The following ST6GAL1 variants were observed in gnomAD, a reference collection of about 807,000 sequenced individuals.
ST6GAL1 encodes ST6 beta-galactoside alpha-2,6-sialyltransferase 1.
In ST6GAL1, 20 loss-of-function variants were observed where a neutral mutation model predicts 38.0. The ratio of observed to expected loss-of-function variants is 0.53; its 90% CI spans 0.37 to 0.77. ST6GAL1 has a LOEUF of 0.77. Among genes scored for constraint, ST6GAL1 ranks in the 30% least tolerant of loss-of-function variants. The pLI, the probability that ST6GAL1 is intolerant of heterozygous loss-of-function variation, is 0.00. For missense variants in ST6GAL1, 432 were observed against 496.4 expected (o/e 0.87, Z 1.23); for synonymous variants, 196 against 188.2 (o/e 1.04, Z -0.34).
chr3:186,943,473 A>G (rs868477673), intron 1 of ST6GAL1, among the ~76,000 whole-genome samples: 9 of 152,198 alleles, frequency 5.9e-5, no homozygotes, highest in Middle Eastern at 3.4e-3. Flanking sequence ...TTATTTTTAG[A>G]CGGAGTCTCG....
chr3:186,953,814 T>C (rs1714658556), intron 1 of ST6GAL1, among the ~76,000 whole-genome samples: 1 of 151,660 alleles, frequency 6.6e-6, no homozygotes, highest in East Asian at 1.9e-4. Flanking sequence ...AGAGAGGTTT[T>C]TTTTTTTTTT....
At chr3:186,948,588 C>T (rs78174521) in intron 1 of ST6GAL1, 5,041 of 150,002 alleles carry the variant, frequency 0.034, 274 homozygotes, top group African/African-American at 0.12. Context: ...TGTATGTGGT[C>T]GTTGGAGAGA....
intron 5 of ST6GAL1, among the ~76,000 whole-genome samples, chr3:187,066,024 C>G (rs1362995511): frequency 1.3e-5 from 2 of 152,116 alleles, no homozygotes; most frequent in African/African-American, 2.4e-5. Context: ...TTTCTGGAAG[C>G]TCCAACTTTT....
At chr3:187,039,168 A>G (rs1391286595) in intron 3 of ST6GAL1, among the ~76,000 whole-genome samples, 3 of 152,160 alleles carry the variant, frequency 2.0e-5, no homozygotes, top group Non-Finnish European at 4.4e-5. Context: ...ACTGGTACTG[A>G]GTATGTCATG....
chr3:187,072,619 C>A (rs1719425905), intron 5 of ST6GAL1: 1 of 481,066 alleles, frequency 2.1e-6, no homozygotes, highest in Admixed American at 3.1e-5. Flanking sequence ...CTGGATGGAA[C>A]CCTTTCTATT....
At chr3:187,000,413 A>T (rs1448969199) in intron 2 of ST6GAL1, among the ~76,000 whole-genome samples, 2 of 131,966 alleles carry the variant, frequency 1.5e-5, no homozygotes, top group South Asian at 4.8e-4. Context: ...AAAAAAAAAA[A>T]TTAGCTAGGC....
chr3:186,995,700 C>T (rs976303922), intron 2 of ST6GAL1, among the ~76,000 whole-genome samples: 15 of 149,346 alleles, frequency 1.0e-4, no homozygotes, highest in African/African-American at 3.2e-4. Flanking sequence ...AAAAATTAGC[C>T]GGGTATGGTG....
At chr3:187,021,559 G>A (rs1435998625) in intron 2 of ST6GAL1, among the ~76,000 whole-genome samples, 1 of 151,760 alleles carries the variant, frequency 6.6e-6, no homozygotes, top group Non-Finnish European at 1.5e-5. Context: ...GACCAACATG[G>A]TGAAACCCCG....
At chr3:186,994,685 C>T (rs1716303349) in intron 2 of ST6GAL1, among the ~76,000 whole-genome samples, 1 of 152,100 alleles carries the variant, frequency 6.6e-6, no homozygotes, top group Non-Finnish European at 1.5e-5. Flanking sequence ...GGCCGGGGCG[C>T]AGTGACTCAC....
intron 1 of ST6GAL1, among the ~76,000 whole-genome samples, chr3:186,938,626 C>T (rs1714046884): frequency 6.6e-6 from 1 of 152,066 alleles, no homozygotes; most frequent in Non-Finnish European, 1.5e-5. Context: ...AAATGGAAAC[C>T]CCCACCAAGT....
intron 2 of ST6GAL1, among the ~76,000 whole-genome samples, chr3:186,987,132 GGAAA>G (rs1279200996): frequency 7.5e-6 from 1 of 133,104 alleles, no homozygotes; most frequent in African/African-American, 2.7e-5. Context: ...AGGAAAGGAA[GGAAA>G]GAAAGAAGGA....
intron 5 of ST6GAL1, among the ~76,000 whole-genome samples, chr3:187,060,120 T>C (rs1390913204): frequency 1.3e-5 from 2 of 152,114 alleles, no homozygotes; most frequent in Non-Finnish European, 2.9e-5. Context: ...GAGACAAGGC[T>C]GAAAGCAAGA....
At chr3:186,968,356 C>G (rs2038585820) in intron 2 of ST6GAL1, among the ~76,000 whole-genome samples, 1 of 152,136 alleles carries the variant, frequency 6.6e-6, no homozygotes, top group South Asian at 2.1e-4. Context: ...GTTTTATATA[C>G]CCTTATTGAG....
At chr3:186,938,662 G>A (rs540352810) in intron 1 of ST6GAL1, among the ~76,000 whole-genome samples, 15 of 152,176 alleles carry the variant, frequency 9.9e-5, no homozygotes, top group African/African-American at 3.1e-4. Context: ...AAAAATGATC[G>A]TTCACATGAT....
intron 2 of ST6GAL1, among the ~76,000 whole-genome samples, chr3:187,021,077 C>T (rs1717281603): frequency 6.6e-6 from 1 of 151,904 alleles, no homozygotes; most frequent in African/African-American, 2.4e-5. Flanking sequence ...GATTCTCCTG[C>T]CTCAGCCTCC....
chr3:186,943,083 C>T (rs932223301), intron 1 of ST6GAL1, among the ~76,000 whole-genome samples: 12 of 152,210 alleles, frequency 7.9e-5, no homozygotes, highest in Non-Finnish European at 1.8e-4. Context: ...GGCAGATATG[C>T]ACATATTAAT....
intron 2 of ST6GAL1, 148 bp downstream of exon 2, chr3:186,964,074 G>A (rs1260739727): frequency 6.6e-6 from 1 of 152,248 alleles, no homozygotes; most frequent in East Asian, 1.9e-4. Flanking sequence ...AGCCCGTTGG[G>A]AGGCAAGGTC....
chr3:186,941,789 G>A (rs1196704421), intron 1 of ST6GAL1, among the ~76,000 whole-genome samples: 4 of 152,102 alleles, frequency 2.6e-5, no homozygotes, highest in Non-Finnish European at 5.9e-5. Flanking sequence ...GAGGCAGGCG[G>A]ATCATGAGGT....
chr3:186,931,585 G>A lies in ST6GAL1; in HGVS notation c.-325+751G>A, dbSNP rs146490071. On this transcript the variant is annotated intron_variant, in intron 1 of 7. Transcript: ENST00000169298. ...GATGTGGGTTGGGTTAAGGGTCTAAGGGTGCCCCTCAAAAAAAGAGAGTGC... is the reference window on the plus strand; with the variant it reads ...GATGTGGGTTGGGTTAAGGGTCTAAAGGTGCCCCTCAAAAAAAGAGAGTGC... Among the ~76,000 whole-genome samples, 873 of 152,336 alleles carry A rather than the reference G, an allele frequency of 5.7e-3. 6 individuals are homozygous for A. Among genetic ancestry groups the A allele is most frequent in the South Asian group, 0.022 (106 of 4,832 alleles).
Sources: gnomAD v4.1 joint callset for allele counts (sites outside exome capture counted in the v4.1 genomes callset) on GRCh38, gnomAD v4.1.1 for gene constraint, MANE v1.5 for transcripts, NCBI Gene and HGNC (gene_info 2026-07-23, HGNC 2026-07-21) for gene names.